Variants in ZNF521 observed in about 807,000 individuals in gnomAD.
The protein encoded by ZNF521 is zinc finger protein 521, also known as LYST-interacting protein 3.
In ZNF521, 14 loss-of-function variants were observed where a neutral mutation model predicts 105.5. The ratio of observed to expected loss-of-function variants is 0.13; its 90% CI spans 0.09 to 0.21. ZNF521 has a LOEUF of 0.21. Ranked by LOEUF, ZNF521 falls within the 10% of genes least tolerant of loss-of-function variation. ZNF521 has a pLI of 1.00. For missense variants in ZNF521, 1,233 were observed against 1,629.7 expected (o/e 0.76, Z 4.19); for synonymous variants, 635 against 606.0 (o/e 1.05, Z -0.70).
chr18:25,286,543 GCTA>G (rs1910715938), intron 3 of ZNF521, among the ~76,000 whole-genome samples: 1 of 152,096 alleles, frequency 6.6e-6, no homozygotes, highest in Non-Finnish European at 1.5e-5. Flanking sequence ...TCCAATCTTA[GCTA>G]CTATTTTATT....
chr18:25,163,799 A>T (rs769151823), intron 5 of ZNF521, among the ~76,000 whole-genome samples: 7 of 152,210 alleles, frequency 4.6e-5, no homozygotes, highest in Non-Finnish European at 8.8e-5. Context: ...AAACACAGGT[A>T]GAACAGTGTG....
At chr18:25,098,538 G>A (rs1189917081) in intron 5 of ZNF521, among the ~76,000 whole-genome samples, 1 of 151,860 alleles carries the variant, frequency 6.6e-6, no homozygotes, top group Non-Finnish European at 1.5e-5. Flanking sequence ...GAAAAAAATT[G>A]TTAGCCAAGA....
chr18:25,291,529 T>C (rs928645008), intron 3 of ZNF521, among the ~76,000 whole-genome samples: 4 of 152,320 alleles, frequency 2.6e-5, no homozygotes, highest in Admixed American at 6.5e-5. Context: ...TAACGTATAC[T>C]TAATTCATAG....
At chr18:25,183,419 G>T (rs566729423) in intron 5 of ZNF521, among the ~76,000 whole-genome samples, 1 of 152,282 alleles carries the variant, frequency 6.6e-6, no homozygotes, top group East Asian at 1.9e-4. Flanking sequence ...ATGAAAGCCA[G>T]TTTGAACCTT....
Position 25,090,640 on chromosome 18 carries a change from A to G in ZNF521, c.3791-1060T>C, listed in dbSNP as rs533384357. Among the ~76,000 whole-genome samples the G allele has an allele frequency of 1.1e-4, 16 of 152,322 alleles. No individual in the cohort carries two copies. In the South Asian group the frequency reaches 3.1e-3, roughly 30 times the overall value. On this transcript the variant is annotated intron_variant, in intron 6 of 7. Coordinates refer to ENST00000361524, the MANE Select transcript of ZNF521 (RefSeq NM_015461.3). ...AATGCATTTTTGTCTCTTTATCCGT[A>G]TCAACAAGAAGAAATGAGGTTTTTA...
intron 5 of ZNF521, among the ~76,000 whole-genome samples, chr18:25,092,593 C>A (rs2033769488): frequency 6.6e-6 from 1 of 152,176 alleles, no homozygotes; most frequent in Non-Finnish European, 1.5e-5. Flanking sequence ...ATAGGACAGT[C>A]TCTTACAAAT....
chr18:25,112,575 G>A (rs544141705), intron 5 of ZNF521, among the ~76,000 whole-genome samples: 7 of 152,196 alleles, frequency 4.6e-5, no homozygotes, highest in East Asian at 1.9e-4. Context: ...CCCATCCAGC[G>A]CATCTTGCCA....
intron 5 of ZNF521, among the ~76,000 whole-genome samples, chr18:25,184,180 G>A (rs2035680865): frequency 6.6e-6 from 1 of 151,792 alleles, no homozygotes; most frequent in South Asian, 2.1e-4. Context: ...ACTCATAATT[G>A]CTTTTTTTTA....
chr18:25,199,600 AC>A (rs1165251593), intron 4 of ZNF521, among the ~76,000 whole-genome samples: 2 of 152,088 alleles, frequency 1.3e-5, no homozygotes, highest in Non-Finnish European at 2.9e-5. Flanking sequence ...CAAGAAAAAA[AC>A]ATATATAATC....
chr18:25,211,498 A>G (rs2036178374), intron 4 of ZNF521, among the ~76,000 whole-genome samples: 2 of 152,192 alleles, frequency 1.3e-5, no homozygotes, highest in Non-Finnish European at 2.9e-5. Flanking sequence ...ATGAGAATAA[A>G]TATTTTCACA....
At chr18:25,327,294 C>A in intron 2 of ZNF521, 1 of 345,566 alleles carries the variant, frequency 2.9e-6, no homozygotes, top group Non-Finnish European at 4.1e-6. Flanking sequence ...CATTCCACAC[C>A]AAAATCTCCC....
intron 5 of ZNF521, among the ~76,000 whole-genome samples, chr18:25,182,787 A>G (rs770440317): frequency 6.6e-6 from 1 of 152,228 alleles, no homozygotes; most frequent in African/African-American, 2.4e-5. Flanking sequence ...ATTAGAGTCT[A>G]GCAAACAGGC....
intron 5 of ZNF521, among the ~76,000 whole-genome samples, chr18:25,141,326 G>GGT (rs1426118854): frequency 5.9e-5 from 9 of 152,162 alleles, no homozygotes; most frequent in African/African-American, 2.2e-4. Flanking sequence ...GTGCACAAAA[G>GGT]GTGTGGTGGT....
At chr18:25,109,452 T>C (rs754751063) in intron 5 of ZNF521, among the ~76,000 whole-genome samples, 1 of 152,206 alleles carries the variant, frequency 6.6e-6, no homozygotes, top group African/African-American at 2.4e-5. Context: ...TTTCTTCTCC[T>C]TTGGGTAGAA....
intron 5 of ZNF521, among the ~76,000 whole-genome samples, chr18:25,116,346 T>C (rs2034301385): frequency 6.6e-6 from 1 of 152,160 alleles, no homozygotes. Context: ...ATTTAGATAA[T>C]GGGTTGCATT....
At chr18:25,084,755 T>G (rs141639338) in intron 7 of ZNF521, among the ~76,000 whole-genome samples, 28 of 152,318 alleles carry the variant, frequency 1.8e-4, no homozygotes, top group African/African-American at 6.3e-4. Flanking sequence ...ACTTTCTATG[T>G]GGACACATTG....
intron 3 of ZNF521, among the ~76,000 whole-genome samples, chr18:25,281,292 T>C (rs1180512717): frequency 6.6e-6 from 1 of 152,228 alleles, no homozygotes; most frequent in Non-Finnish European, 1.5e-5. Context: ...ACTTTGATCC[T>C]GTTATTGTCA....
intron 7 of ZNF521, among the ~76,000 whole-genome samples, chr18:25,074,046 CT>C (rs1567949501): frequency 7.0e-6 from 1 of 142,110 alleles, no homozygotes; most frequent in Non-Finnish European, 1.5e-5. Context: ...ATGTGTGTGT[CT>C]GTGCACATGT....
chr18:25,100,785 C>T (rs1320520656), intron 5 of ZNF521, among the ~76,000 whole-genome samples: 4 of 152,122 alleles, frequency 2.6e-5, no homozygotes, highest in Non-Finnish European at 4.4e-5. Context: ...AACGATGCCA[C>T]CCCTTAGAGA....
Sources: gnomAD v4.1 joint callset for allele counts (sites outside exome capture counted in the v4.1 genomes callset) on GRCh38, gnomAD v4.1.1 for gene constraint, MANE v1.5 for transcripts, NCBI Gene and HGNC (gene_info 2026-07-23, HGNC 2026-07-21) for gene names.